Variants in APBA2 observed in about 807,000 individuals in gnomAD.
APBA2 encodes amyloid beta precursor protein binding family A member 2.
APBA2 carries 30 observed loss-of-function variants against 75.0 expected under a neutral mutation model. That is an observed-to-expected ratio of 0.40 (90% confidence interval 0.30 to 0.54). The LOEUF (loss-of-function observed/expected upper bound fraction) is 0.54, where lower values mean the gene tolerates loss of function less well. Among genes scored for constraint, APBA2 ranks in the 20% least tolerant of loss-of-function variants. The pLI is 0.49. For missense variants in APBA2, 801 were observed against 1,016.1 expected (o/e 0.79, Z 2.88); for synonymous variants, 444 against 409.6 (o/e 1.08, Z -1.01).
chr15:29,047,169 G>A (rs781399273), intron 3 of APBA2, among the ~76,000 whole-genome samples: 21 of 152,230 alleles, frequency 1.4e-4, no homozygotes, highest in Non-Finnish European at 2.5e-4. Context: ...TTTAACAGGC[G>A]GGCTCTTTGT....
chr15:28,934,335 G>T (rs1280576370), intron 2 of APBA2, among the ~76,000 whole-genome samples: 4 of 152,220 alleles, frequency 2.6e-5, no homozygotes, highest in African/African-American at 9.7e-5. Context: ...CCAGGGCTCA[G>T]TGTGGGTTCT....
Position 28,916,448 on chromosome 15 carries a change from C to T in APBA2, c.-204-5192C>T, listed in dbSNP as rs2033695069. Among the ~76,000 whole-genome samples the T allele has an allele frequency of 2.0e-5, 3 of 152,206 alleles. No individual in the cohort carries two copies. In the South Asian group the frequency reaches 6.2e-4, roughly 32 times the overall value. On this transcript the variant is annotated intron_variant, in intron 1 of 14. Transcript: ENST00000683413. The stretch of plus-strand genomic sequence containing the variant: ...ATTAGATGCATTTTGGTGAAACACT[C>T]AACCAGTACACATATCTTTAATAAA...
intron 3 of APBA2, among the ~76,000 whole-genome samples, chr15:29,036,672 C>CTG (rs1263045826): frequency 6.6e-6 from 1 of 152,190 alleles, no homozygotes; most frequent in Non-Finnish European, 1.5e-5. Flanking sequence ...TCATCTCCTG[C>CTG]TGAACACCCC....
At chr15:29,109,439 GGCGGTGGGGGTGAGCTTCACTCCACAAA>G (rs1024100082) in intron 13 of APBA2, among the ~76,000 whole-genome samples, 3 of 152,198 alleles carry the variant, frequency 2.0e-5, no homozygotes, top group Non-Finnish European at 4.4e-5. Flanking sequence ...TTGCAGTGGG[GGCGGTGGGGGTGAGCTTCACTCCACAAA>G]GCCACTCAGG....
intron 11 of APBA2, among the ~76,000 whole-genome samples, chr15:29,105,986 A>C (rs1179124414): frequency 6.6e-6 from 1 of 152,160 alleles, no homozygotes; most frequent in African/African-American, 2.4e-5. Context: ...CAGAGGAGCA[A>C]ATTCCCTGGG....
intron 3 of APBA2, among the ~76,000 whole-genome samples, chr15:29,053,335 G>C (rs1423411847): frequency 6.6e-6 from 1 of 152,192 alleles, no homozygotes; most frequent in Non-Finnish European, 1.5e-5. Flanking sequence ...TTCAGTTTGA[G>C]GGGGAAGAGG....
At chr15:29,005,590 G>A (rs564500083) in intron 3 of APBA2, among the ~76,000 whole-genome samples, 1 of 152,306 alleles carries the variant, frequency 6.6e-6, no homozygotes, top group South Asian at 2.1e-4. Flanking sequence ...CTGGCCGGGT[G>A]CAGTGGCTCA....
chr15:29,098,670 T>C, intron 9 of APBA2, 94 bp downstream of exon 9: 1 of 1,018,386 alleles, frequency 9.8e-7, no homozygotes, highest in Non-Finnish European at 1.5e-6. Context: ...CAGCAGCTTC[T>C]CTCCTGTGCT....
intron 3 of APBA2, among the ~76,000 whole-genome samples, chr15:29,005,306 C>T (rs1314556563): frequency 1.3e-5 from 2 of 152,048 alleles, no homozygotes; most frequent in South Asian, 2.1e-4. Context: ...TGTTGCCTAG[C>T]GTGGAGTGCA....
chr15:29,111,072 C>T (rs1223286255), intron 13 of APBA2, among the ~76,000 whole-genome samples: 5 of 152,078 alleles, frequency 3.3e-5, no homozygotes, highest in African/African-American at 1.2e-4. Context: ...CTTGCGGGGC[C>T]TGCAGTGAGG....
chr15:29,068,538 CT>C (rs1157155227), intron 4 of APBA2, among the ~76,000 whole-genome samples: 1 of 152,250 alleles, frequency 6.6e-6, no homozygotes, highest in African/African-American at 2.4e-5. Flanking sequence ...GATCACAGCC[CT>C]CTTGTGGGGG....
At chr15:28,931,519 G>A (rs1364190842) in intron 2 of APBA2, among the ~76,000 whole-genome samples, 14 of 152,126 alleles carry the variant, frequency 9.2e-5, no homozygotes, top group Admixed American at 2.0e-4. Flanking sequence ...TGTTGCCACC[G>A]TGGGCCCAAA....
chr15:28,914,869 C>G (rs2152656206), intron 1 of APBA2, among the ~76,000 whole-genome samples: 1 of 152,014 alleles, frequency 6.6e-6, no homozygotes, highest in African/African-American at 2.4e-5. Flanking sequence ...CGCTGTGTGT[C>G]CCGGGCTGCC....
At chr15:28,940,406 G>T (rs2152703581) in intron 2 of APBA2, among the ~76,000 whole-genome samples, 1 of 147,862 alleles carries the variant, frequency 6.8e-6, no homozygotes, top group South Asian at 2.2e-4. Context: ...CGTGGTGGCA[G>T]GCACCTGTAG....
chr15:28,911,711 T>C (rs1235804135), intron 1 of APBA2, among the ~76,000 whole-genome samples: 1 of 152,202 alleles, frequency 6.6e-6, no homozygotes, highest in Non-Finnish European at 1.5e-5. Flanking sequence ...ACCGTGGCCT[T>C]GTAGGACAGT....
intron 2 of APBA2, among the ~76,000 whole-genome samples, chr15:28,948,101 G>C (rs2035646011): frequency 6.6e-6 from 1 of 152,144 alleles, no homozygotes; most frequent in South Asian, 2.1e-4. Flanking sequence ...CCCATGTATA[G>C]AGTCTACTGT....
At chr15:28,945,022 A>G (rs1244858919) in intron 2 of APBA2, among the ~76,000 whole-genome samples, 1 of 152,180 alleles carries the variant, frequency 6.6e-6, no homozygotes, top group Non-Finnish European at 1.5e-5. Flanking sequence ...TTTGCCCTGA[A>G]GAGCTGGGCC....
chr15:29,101,298 C>T (rs2044109205), intron 9 of APBA2, among the ~76,000 whole-genome samples: 1 of 151,446 alleles, frequency 6.6e-6, no homozygotes, highest in South Asian at 2.1e-4. Flanking sequence ...GGCGCAATCT[C>T]GGCTCGATGC....
intron 2 of APBA2, among the ~76,000 whole-genome samples, chr15:28,966,573 T>C (rs1214966471): frequency 6.6e-6 from 1 of 152,190 alleles, no homozygotes; most frequent in Admixed American, 6.5e-5. Context: ...ACCCATGTTG[T>C]TATGTTTGAA....
Sources: allele counts gnomAD v4.1 joint callset (sites outside exome capture counted in the v4.1 genomes callset), GRCh38; gene constraint gnomAD v4.1.1; transcripts MANE v1.5; gene names NCBI Gene and HGNC (gene_info 2026-07-23, HGNC 2026-07-21).